The following CMIP variants were observed in gnomAD, a reference collection of about 807,000 sequenced individuals.
CMIP encodes C-Maf-inducing protein.
A neutral mutation model predicts 97.3 loss-of-function variants in CMIP; 13 were observed. That is an observed-to-expected ratio of 0.13 (90% CI 0.09 to 0.21). The LOEUF (loss-of-function observed/expected upper bound fraction) is 0.21. Among genes scored for constraint, CMIP ranks in the 10% least tolerant of loss-of-function variants. The probability of loss-of-function intolerance (pLI) is 1.00; values close to 1 mark genes in which losing one functional copy is unlikely to be tolerated. For synonymous variants in CMIP, 538 were observed against 436.3 expected (o/e 1.23, Z -2.91); for missense variants, 847 against 1,024.9 (o/e 0.83, Z 2.37).
chr16:81,652,148 T>G lies in CMIP; in HGVS notation c.478-55T>G, dbSNP rs564420980. The G allele has an allele frequency of 7.0e-6, 10 of 1,429,756 alleles. No homozygotes were observed. The African/African-American group carries it at 1.1e-4, about 16-fold the overall frequency. The allele number at this position is 1,429,756 out of a possible 1,614,324, so 88.6% of individuals were successfully genotyped here. A position where few individuals can be genotyped will look rare whatever the true frequency, so the allele number is the denominator to read the frequency against. On this transcript the variant is annotated intron_variant, in intron 3 of 20. Transcript: ENST00000537098. This position sits in a 1 kb window ranked among gnomAD's most constrained non-coding sequence, Gnocchi z 5.2. Reference sequence around the variant, plus strand: ...TCTGATTCTTTGATTGTCTTCCATCTTCTGCCTTCCTTACGTGAGTAACAT... The same window carrying G: ...TCTGATTCTTTGATTGTCTTCCATCGTCTGCCTTCCTTACGTGAGTAACAT...
chr16:81,662,699 G>A (rs1360900670), intron 6 of CMIP, among the ~76,000 whole-genome samples: 1 of 152,208 alleles, frequency 6.6e-6, no homozygotes, highest in Non-Finnish European at 1.5e-5. Context: ...TCTGGGGGCC[G>A]GGTGGGTGAT....
At chr16:81,468,062 TG>T (rs1161425312) in intron 1 of CMIP, among the ~76,000 whole-genome samples, 1 of 152,092 alleles carries the variant, frequency 6.6e-6, no homozygotes, top group East Asian at 1.9e-4. Context: ...CTTGCTCCTT[TG>T]TTTCTAATGT....
chr16:81,665,590 G>C (rs763902159), intron 7 of CMIP: 2 of 152,154 alleles, frequency 1.3e-5, no homozygotes, highest in Non-Finnish European at 2.9e-5. Flanking sequence ...GTTGTACTGA[G>C]CCAGCCACCA....
intron 1 of CMIP, among the ~76,000 whole-genome samples, chr16:81,455,872 C>G (rs1018700479): frequency 6.6e-6 from 1 of 152,216 alleles, no homozygotes; most frequent in Non-Finnish European, 1.5e-5. Flanking sequence ...TAGGCCTGTG[C>G]TGTCTCGAAG....
At chr16:81,568,569 G>T (rs1021580940) in intron 1 of CMIP, among the ~76,000 whole-genome samples, 6 of 152,250 alleles carry the variant, frequency 3.9e-5, no homozygotes, top group Non-Finnish European at 8.8e-5. Flanking sequence ...TGGGGAGGAG[G>T]ACCCGGCATG....
chr16:81,482,115 G>A (rs1040484053), intron 1 of CMIP, among the ~76,000 whole-genome samples: 1 of 152,132 alleles, frequency 6.6e-6, no homozygotes, highest in African/African-American at 2.4e-5. Flanking sequence ...CTGACCGCAA[G>A]TGATCCACCC....
At chr16:81,554,041 G>C (rs544696018) in intron 1 of CMIP, among the ~76,000 whole-genome samples, 2 of 152,346 alleles carry the variant, frequency 1.3e-5, no homozygotes, top group East Asian at 3.9e-4. Context: ...CCCTGTGGTG[G>C]GCGGGACTTG....
intron 1 of CMIP, among the ~76,000 whole-genome samples, chr16:81,544,359 G>A (rs2090503982): frequency 6.6e-6 from 1 of 152,196 alleles, no homozygotes; most frequent in Non-Finnish European, 1.5e-5. Context: ...TATGTGTGTG[G>A]CGTGAACACG....
At chr16:81,489,434 A>G (rs1384021615) in intron 1 of CMIP, among the ~76,000 whole-genome samples, 1 of 152,200 alleles carries the variant, frequency 6.6e-6, no homozygotes, top group East Asian at 1.9e-4. Context: ...GTCAGAGCGT[A>G]TTATTCAGGT....
Position 81,500,260 on chromosome 16 carries a change from T to TTCCTTCCTTCCA in CMIP, c.300+54730_300+54731insATCCTTCCTTCC, listed in dbSNP as rs1378192932. Among the ~76,000 whole-genome samples, 11 of 138,916 alleles carry TTCCTTCCTTCCA rather than the reference T, an allele frequency of 7.9e-5. No individual in the cohort carries two copies. In the South Asian group the frequency reaches 2.6e-3, roughly 33 times the overall value. 91.1% of individuals were successfully genotyped at this position (138,916 alleles called of 152,430 possible). ...AAAATTTCCTTCCTTCCTTCCGTCC[T>TTCCTTCCTTCCA]TCCTTCCTTCCGTCCTTCCTTCCTT... On this transcript the variant is annotated intron_variant, in intron 1 of 20. Coordinates refer to ENST00000537098, the MANE Select transcript of CMIP (RefSeq NM_198390.3).
At chr16:81,683,264 G>A (rs569901001) in intron 10 of CMIP, among the ~76,000 whole-genome samples, 6 of 152,318 alleles carry the variant, frequency 3.9e-5, no homozygotes, top group South Asian at 2.1e-4. Flanking sequence ...GGGGTAGGAC[G>A]CGCTTCTGAT....
chr16:81,603,081 G>T (rs1260012882), intron 1 of CMIP, among the ~76,000 whole-genome samples: 1 of 151,834 alleles, frequency 6.6e-6, no homozygotes, highest in Non-Finnish European at 1.5e-5. Context: ...TTTTTTGTTT[G>T]GTTTTGTTTT....
intron 1 of CMIP, among the ~76,000 whole-genome samples, chr16:81,593,695 G>A (rs543198802): frequency 6.6e-6 from 1 of 152,270 alleles, no homozygotes; most frequent in African/African-American, 2.4e-5. Context: ...CTCATTGGCC[G>A]CTGGCACAAA....
intron 7 of CMIP, 72 bp downstream of exon 7, chr16:81,664,421 T>C: frequency 7.0e-7 from 1 of 1,426,224 alleles, no homozygotes; most frequent in African/African-American, 1.4e-5. Context: ...CCCTGGCCTT[T>C]TGCGTTGGCA....
intron 1 of CMIP, among the ~76,000 whole-genome samples, chr16:81,526,801 C>G (rs572510751): frequency 6.6e-6 from 1 of 152,212 alleles, no homozygotes; most frequent in African/African-American, 2.4e-5. Flanking sequence ...AGCAGGTTTG[C>G]GTTTGGTTTC....
chr16:81,486,860 C>G (rs997681504), intron 1 of CMIP, among the ~76,000 whole-genome samples: 2 of 152,262 alleles, frequency 1.3e-5, no homozygotes, highest in African/African-American at 4.8e-5. Flanking sequence ...CCATTTTCCC[C>G]TCATCTCAAC....
chr16:81,603,666 C>G (rs575875545), intron 1 of CMIP, among the ~76,000 whole-genome samples: 2 of 152,290 alleles, frequency 1.3e-5, no homozygotes, highest in South Asian at 4.1e-4. Flanking sequence ...CCCAAAACTT[C>G]CCTTGGCTGG....
chr16:81,548,241 C>G (rs1209257771), intron 1 of CMIP, among the ~76,000 whole-genome samples: 2 of 149,506 alleles, frequency 1.3e-5, no homozygotes, highest in Admixed American at 1.4e-4. Context: ...TCAAGCGATT[C>G]TCCTCCCTCA....
chr16:81,603,187 C>G (rs1436900294), intron 1 of CMIP, among the ~76,000 whole-genome samples: 1 of 152,192 alleles, frequency 6.6e-6, no homozygotes, highest in Non-Finnish European at 1.5e-5. Context: ...TCACGCCATT[C>G]TCCTTCCTCA....
Sources: gnomAD v4.1 joint callset for allele counts (sites outside exome capture counted in the v4.1 genomes callset) on GRCh38, gnomAD v4.1.1 for gene constraint, Gnocchi (gnomAD v3.1) non-coding constraint, MANE v1.5 for transcripts, NCBI Gene and HGNC (gene_info 2026-07-23, HGNC 2026-07-21) for gene names.